Variants in F13B observed in about 807,000 individuals in gnomAD.
F13B encodes the protein coagulation factor XIII B chain, also known as TGase.
A neutral mutation model predicts 79.8 loss-of-function variants in F13B; 58 were observed. That is an observed-to-expected ratio of 0.73 (90% CI 0.59 to 0.90). F13B has a LOEUF of 0.90. Among genes scored for constraint, F13B ranks in the 40% least tolerant of loss-of-function variants. F13B has a pLI of 0.00. For synonymous variants in F13B, 283 were observed against 260.3 expected (o/e 1.09, Z -0.84); for missense variants, 773 against 777.0 (o/e 0.99, Z 0.06).
At chr1:197,042,388 G>T (rs922009757) in intron 10 of F13B, among the ~76,000 whole-genome samples, 28 of 152,106 alleles carry the variant, frequency 1.8e-4, no homozygotes, top group Admixed American at 1.4e-3. Flanking sequence ...TATGACAGAG[G>T]AGATTATATC....
rs140659448 is a variant in F13B at position 197,049,388 on chromosome 1, T to C, written c.1738+1309A>G. Among the ~76,000 whole-genome samples, 489 of 152,070 alleles carry C rather than the reference T, an allele frequency of 3.2e-3. 1 individual carries two copies. Among genetic ancestry groups the C allele is most frequent in the Non-Finnish European group, 6.0e-3 (409 of 67,920 alleles). ...CAAGGCATGTCAAGACAGATACATA[T>C]TAATAGAAGTAATAACAAAAGATAC... On this transcript the variant is annotated intron_variant, in intron 10 of 11. Transcript: ENST00000367412.
At chr1:197,051,004 T>A in intron 9 of F13B, 125 bp from the exon 10 acceptor site, 1 of 781,118 alleles carries the variant, frequency 1.3e-6, no homozygotes, top group Non-Finnish European at 2.1e-6. Context: ...TGATCATGAC[T>A]CACTGCAACC....
chr1:197,040,512 A>T lies in F13B; in HGVS notation c.1952+10T>A. 6.2e-7 allele frequency: 1 copy of T among 1,605,144 alleles called. No homozygotes were observed. The highest frequency in any genetic ancestry group is 8.5e-7 in the Non-Finnish European group (1 of 1,174,360). On this transcript the variant is annotated intron_variant, in intron 11 of 11. Transcript: ENST00000367412. ...AAAAATAATCTGACCAAAAAAAAAAAACTTCTTACCTTTGTCTTGGAATAC... is the reference window on the plus strand; with the variant it reads ...AAAAATAATCTGACCAAAAAAAAAATACTTCTTACCTTTGTCTTGGAATAC...
At chr1:197,040,794 T>C (rs1655012952) in intron 10 of F13B, 59 bp from the exon 11 acceptor site, 7 of 1,411,528 alleles carry the variant, frequency 5.0e-6, no homozygotes, top group Non-Finnish European at 6.8e-6. Context: ...TTGTTACATC[T>C]TGGTAAGAAC....
chr1:197,054,087 A>T (rs1655552295), intron 8 of F13B, among the ~76,000 whole-genome samples: 1 of 152,110 alleles, frequency 6.6e-6, no homozygotes, highest in Admixed American at 6.6e-5. Context: ...AGTTACCAAG[A>T]TATACAAAGC....
chr1:197,039,269 A>C lies in F13B; in HGVS notation c.*109T>G. On this transcript the variant is annotated 3_prime_UTR_variant, in exon 12 of 12. Transcript: ENST00000367412. ...CAGCACAAATAATTTAGATTCAAAT[A>C]TTTAAGCAAGGAAAAACTCCGAAGT... 1 of 892,392 alleles carries C rather than the reference A, an allele frequency of 1.1e-6. No homozygotes were observed. The highest frequency in any genetic ancestry group is 1.8e-6 in the Non-Finnish European group (1 of 548,824). The allele number at this position is 892,392 out of a possible 1,614,324, so 55.3% of individuals were successfully genotyped here.
Position 197,063,032 on chromosome 1 carries a change from C to G in F13B, c.90G>C (p.Val30=), listed in dbSNP as rs531434263. The change falls in exon 2 of 12, where the codon GTG becomes GTC. Residue 30 remains valine, a synonymous_variant. Coordinates refer to ENST00000367412, the MANE Select transcript of F13B (RefSeq NM_001994.3). ...AEEKPCGFPH[V]ENGRIAQYYY... ...AATATTGGGCAATTCTTCCATTTTCCACATGAGGAAAACCACAGGGTTTCT... is the reference window on the plus strand; with the variant it reads ...AATATTGGGCAATTCTTCCATTTTCGACATGAGGAAAACCACAGGGTTTCT... 6.2e-7 allele frequency: 1 copy of G among 1,612,310 alleles called. No homozygotes were observed. Among genetic ancestry groups the G allele is most frequent in the South Asian group, 1.1e-5 (1 of 90,996 alleles).
chr1:197,055,359 G>A (rs1655600925), intron 8 of F13B, among the ~76,000 whole-genome samples: 1 of 151,884 alleles, frequency 6.6e-6, no homozygotes, highest in Non-Finnish European at 1.5e-5. Context: ...TATTCTTCTT[G>A]AAATGACATT....
Position 197,056,997 on chromosome 1 carries a change from A to T in F13B, c.1171+16T>A. On this transcript the variant is annotated intron_variant, in intron 7 of 11. Coordinates refer to ENST00000367412, the MANE Select transcript of F13B (RefSeq NM_001994.3). ...ACCATAAGTTTAGCTACTGATGGTA[A>T]ATGTAGCATACATACCAACACACTC... 6.2e-7 allele frequency: 1 copy of T among 1,612,040 alleles called. No homozygotes were observed. Among genetic ancestry groups the T allele is most frequent in the Non-Finnish European group, 8.5e-7 (1 of 1,178,922 alleles).
intron 2 of F13B, 35 bp downstream of exon 2, chr1:197,062,822 A>G (rs1190594711): frequency 6.2e-7 from 1 of 1,602,880 alleles, no homozygotes; most frequent in African/African-American, 1.3e-5. Context: ...TTCTTTGAGT[A>G]TTGAAACATT....
At chr1:197,048,526 T>C (rs1300156234) in intron 10 of F13B, among the ~76,000 whole-genome samples, 1 of 151,966 alleles carries the variant, frequency 6.6e-6, no homozygotes. Context: ...CATTACTATA[T>C]ATGAAGGAGG....
At position 197,052,729 on chromosome 1, in the gene F13B, T is replaced by G; in HGVS notation, c.1460A>C (p.Lys487Thr). Residue 487 changes from lysine (K) to threonine (T), a missense_variant, in exon 9 of 12, where the codon AAA becomes ACA. By Grantham distance (78) the Lys-to-Thr change is moderately conservative. Transcript: ENST00000367412. ...TAATGGAGATAAGTCATATCCCTGT[T>G]TACATACAAAATCTATTAAATCTCC... ...LHGDLIDFVCKQGYDLSPLTP... is the reference protein window; with the variant it reads ...LHGDLIDFVCTQGYDLSPLTP... 2 of 1,611,902 alleles carry G rather than the reference T, an allele frequency of 1.2e-6. No homozygotes were observed. Among genetic ancestry groups the G allele is most frequent in the South Asian group, 2.2e-5 (2 of 91,030 alleles).
chr1:197,049,858 T>G (rs1455121360), intron 10 of F13B, among the ~76,000 whole-genome samples: 1 of 152,146 alleles, frequency 6.6e-6, no homozygotes, highest in East Asian at 1.9e-4. Flanking sequence ...AATAGAATCA[T>G]GCTTTAACAT....
chr1:197,050,880 C>T lies in F13B; in HGVS notation c.1556-1G>A, dbSNP rs1325889420. ...GGAGATGTGCACATTCCTTTAGATT[C>T]TGCAAAAATAAGTTTTAAAGTATAC... On this transcript the variant is annotated splice_acceptor_variant, in intron 9 of 11. Transcript: ENST00000367412. LOFTEE classifies it high-confidence loss of function. The T allele has an allele frequency of 8.7e-6, 14 of 1,612,076 alleles. No homozygotes were observed. The highest frequency in any genetic ancestry group is 1.1e-5 in the Non-Finnish European group (13 of 1,178,750).
chr1:197,063,900 A>T (rs570215522), intron 1 of F13B, among the ~76,000 whole-genome samples: 1 of 152,274 alleles, frequency 6.6e-6, no homozygotes, highest in Admixed American at 6.6e-5. Flanking sequence ...TGGACAGTAC[A>T]GTTCAGGAAT....
Position 197,055,751 on chromosome 1 carries a change from C to T in F13B, c.1318G>A (p.Glu440Lys), listed in dbSNP as rs766408940. 10 of 1,613,446 alleles carry T rather than the reference C, an allele frequency of 6.2e-6. No homozygotes were observed. Among genetic ancestry groups the T allele is most frequent in the South Asian group, 4.4e-5 (4 of 91,050 alleles). Residue 440 changes from glutamate (E) to lysine (K), a missense_variant, in exon 8 of 12, where the codon GAA becomes AAA. By Grantham distance (56) the Glu-to-Lys change is moderately conservative. Coordinates refer to ENST00000367412, the MANE Select transcript of F13B (RefSeq NM_001994.3). ...GGTGGGGATGACCATTTTCCTTGTT[C>T]GCAACGAGATATTTTTGATCCCCTC... ...LLRGSKISRC[E>K]QGKWSSPPVC...
rs767085182 is a variant in F13B at position 197,067,148 on chromosome 1, A to G, written c.64+12T>C. 6.0e-6 allele frequency: 9 copies of G among 1,506,986 alleles called. No homozygotes were observed. Among genetic ancestry groups the G allele is most frequent in the Non-Finnish European group, 8.3e-6 (9 of 1,085,486 alleles). The allele number at this position is 1,506,986 out of a possible 1,614,324, so 93.4% of individuals were successfully genotyped here. A position where few individuals can be genotyped will look rare whatever the true frequency, so the allele number is the denominator to read the frequency against. ...GTTTTAGAGAATAAAGAATATTAAG[A>G]ATTAATTTTACCTTCTGCATAGAGT... is the stretch of plus-strand genomic sequence containing the variant. On this transcript the variant is annotated intron_variant, in intron 1 of 11. Coordinates refer to ENST00000367412, the MANE Select transcript of F13B (RefSeq NM_001994.3).
Position 197,038,785 on chromosome 1 carries a change from T to C in F13B, c.*593A>G, listed in dbSNP as rs1571545101. The stretch of plus-strand genomic sequence containing the variant: ...TTTAATTGTGTCTCTTTAACAATAT[T>C]TGAGCACATGTTCAAATATGGTAGT... On this transcript the variant is annotated 3_prime_UTR_variant, in exon 12 of 12. Coordinates refer to ENST00000367412, the MANE Select transcript of F13B (RefSeq NM_001994.3). 6.6e-6 allele frequency among the ~76,000 whole-genome samples: 1 copy of C among 152,116 alleles called. No homozygotes were observed. The highest frequency in any genetic ancestry group is 1.9e-4 in the East Asian group (1 of 5,194).
At chr1:197,042,278 G>A (rs753590613) in intron 10 of F13B, among the ~76,000 whole-genome samples, 1 of 152,154 alleles carries the variant, frequency 6.6e-6, no homozygotes, top group Non-Finnish European at 1.5e-5. Context: ...TGAAAATGAA[G>A]TCGAATAGCA....
Sources: allele counts gnomAD v4.1 joint callset (sites outside exome capture counted in the v4.1 genomes callset), GRCh38; gene constraint gnomAD v4.1.1; transcripts MANE v1.5; gene names NCBI Gene and HGNC (gene_info 2026-07-23, HGNC 2026-07-21).